Variants in OTUD7A observed in about 807,000 individuals in gnomAD.
The protein encoded by OTUD7A is OTU domain-containing protein 7A.
In OTUD7A, 12 loss-of-function variants were observed where a neutral mutation model predicts 65.7. The ratio of observed to expected loss-of-function variants is 0.18; its 90% CI spans 0.12 to 0.30. OTUD7A has a LOEUF of 0.30. OTUD7A is among the 10% of genes least tolerant of loss of function. OTUD7A has a pLI of 1.00. For missense variants in OTUD7A, 1,148 were observed against 1,304.8 expected (o/e 0.88, Z 1.85); for synonymous variants, 641 against 586.3 (o/e 1.09, Z -1.35).
intron 3 of OTUD7A, among the ~76,000 whole-genome samples, chr15:31,584,803 G>A (rs192333431): frequency 6.7e-4 from 102 of 152,292 alleles, no homozygotes; most frequent in African/African-American, 2.3e-3. Flanking sequence ...GAGTCTGCAA[G>A]GTGCAGTGTT....
At chr15:31,716,421 T>C (rs1893587025) in intron 1 of OTUD7A, among the ~76,000 whole-genome samples, 1 of 109,516 alleles carries the variant, frequency 9.1e-6, no homozygotes, top group Non-Finnish European at 2.0e-5. Context: ...AAGGAGATCA[T>C]CTTGTTGAGA....
intron 1 of OTUD7A, among the ~76,000 whole-genome samples, chr15:31,693,956 G>A (rs1180386614): frequency 1.3e-5 from 2 of 152,186 alleles, no homozygotes; most frequent in Non-Finnish European, 2.9e-5. Context: ...CCAGGGACCC[G>A]AAGGATTCAC....
chr15:31,543,899 A>G (rs1888056205), intron 5 of OTUD7A, among the ~76,000 whole-genome samples: 1 of 151,850 alleles, frequency 6.6e-6, no homozygotes, highest in South Asian at 2.1e-4. Flanking sequence ...AAATGACCAA[A>G]TGGACAAATA....
At chr15:31,769,793 C>T (rs1334574656) in intron 1 of OTUD7A, among the ~76,000 whole-genome samples, 1 of 152,176 alleles carries the variant, frequency 6.6e-6, no homozygotes, top group East Asian at 1.9e-4. Flanking sequence ...TTAGTGGTTG[C>T]CAGGGGTTAG....
At chr15:31,819,797 T>C (rs1042014634) in intron 1 of OTUD7A, among the ~76,000 whole-genome samples, 17 of 151,950 alleles carry the variant, frequency 1.1e-4, no homozygotes, top group African/African-American at 4.1e-4. Context: ...TTATATATTA[T>C]GTCATATATA....
At chr15:31,735,925 C>T (rs1894177781) in intron 1 of OTUD7A, among the ~76,000 whole-genome samples, 1 of 152,148 alleles carries the variant, frequency 6.6e-6, no homozygotes, top group African/African-American at 2.4e-5. Flanking sequence ...ATGGATGGAG[C>T]TGGAGGCCAT....
chr15:31,503,466 T>G (rs3812925), intron 9 of OTUD7A, among the ~76,000 whole-genome samples: 1 of 151,940 alleles, frequency 6.6e-6, no homozygotes, highest in Non-Finnish European at 1.5e-5. Context: ...GGTCCTCACA[T>G]GACCAGATTT....
At chr15:31,816,678 A>G (rs1402324830) in intron 1 of OTUD7A, among the ~76,000 whole-genome samples, 1 of 151,326 alleles carries the variant, frequency 6.6e-6, no homozygotes, top group Non-Finnish European at 1.5e-5. Context: ...ACAGAGCGAG[A>G]CTCCGTCTCA....
Position 31,732,567 on chromosome 15 carries a change from G to C in OTUD7A, c.-99-75490C>G, listed in dbSNP as rs113014166. 3.2e-4 allele frequency among the ~76,000 whole-genome samples: 49 copies of C among 152,360 alleles called. 1 individual carries two copies. The highest frequency in any genetic ancestry group is 6.8e-3 in the Middle Eastern group (2 of 294). ...AACTAAAAAGTTGGTTCTTGGAGAAGTCTACTCTAGTCACTTGGAAACGCC... is the reference window on the plus strand; with the variant it reads ...AACTAAAAAGTTGGTTCTTGGAGAACTCTACTCTAGTCACTTGGAAACGCC... On this transcript the variant is annotated intron_variant, in intron 1 of 12. Transcript: ENST00000307050.
chr15:31,508,685 A>G (rs1001375356), intron 8 of OTUD7A, among the ~76,000 whole-genome samples: 1 of 152,256 alleles, frequency 6.6e-6, no homozygotes, highest in Non-Finnish European at 1.5e-5. Context: ...CTGATGTACT[A>G]GAAATTTTAG....
chr15:31,766,240 G>T, intron 1 of OTUD7A: 2 of 1,550,636 alleles, frequency 1.3e-6, no homozygotes, highest in Middle Eastern at 2.2e-4. Context: ...GAAACGGTAT[G>T]TATCAACAGT....
intron 1 of OTUD7A, among the ~76,000 whole-genome samples, chr15:31,859,422 C>A (rs1473492724): frequency 6.6e-6 from 1 of 152,210 alleles, no homozygotes; most frequent in African/African-American, 2.4e-5. Context: ...CAACAGATCT[C>A]ATGAACATAA....
chr15:31,691,433 C>T (rs1311413776), intron 1 of OTUD7A, among the ~76,000 whole-genome samples: 2 of 152,346 alleles, frequency 1.3e-5, no homozygotes, highest in East Asian at 3.9e-4. Context: ...AATAAATCCA[C>T]ACACTTAACA....
intron 1 of OTUD7A, among the ~76,000 whole-genome samples, chr15:31,869,429 C>CAA (rs1897965481): frequency 6.6e-6 from 1 of 152,142 alleles, no homozygotes; most frequent in Admixed American, 6.5e-5. Context: ...AGATTTAGGC[C>CAA]CCGCTGTCAA....
intron 1 of OTUD7A, among the ~76,000 whole-genome samples, chr15:31,843,797 C>T (rs1323599383): frequency 6.6e-6 from 1 of 152,192 alleles, no homozygotes; most frequent in Non-Finnish European, 1.5e-5. Context: ...ATGTCTGTTC[C>T]CTGTGGGCAG....
At chr15:31,641,501 G>A (rs939851397) in intron 3 of OTUD7A, among the ~76,000 whole-genome samples, 1 of 152,140 alleles carries the variant, frequency 6.6e-6, no homozygotes, top group African/African-American at 2.4e-5. Flanking sequence ...TTGTTATTGA[G>A]ATTATACTGA....
intron 1 of OTUD7A, among the ~76,000 whole-genome samples, chr15:31,855,510 C>T (rs1434669864): frequency 6.6e-6 from 1 of 150,796 alleles, no homozygotes; most frequent in Non-Finnish European, 1.5e-5. Flanking sequence ...AAAAACAAAT[C>T]GAAAAAAAAA....
chr15:31,501,979 G>C, intron 9 of OTUD7A, 140 bp from the exon 10 acceptor site: 1 of 957,458 alleles, frequency 1.0e-6, no homozygotes, highest in Middle Eastern at 3.4e-4. Context: ...TGGAGGCGGT[G>C]CTGAGGGATG....
intron 1 of OTUD7A, among the ~76,000 whole-genome samples, chr15:31,667,494 CCTTTA>C (rs1401955643): frequency 1.3e-5 from 2 of 152,078 alleles, no homozygotes; most frequent in Non-Finnish European, 1.5e-5. Flanking sequence ...TTTTTCCACC[CCTTTA>C]CTTTAAGTTT....
Sources: gnomAD v4.1 joint callset for allele counts (sites outside exome capture counted in the v4.1 genomes callset) on GRCh38, gnomAD v4.1.1 for gene constraint, MANE v1.5 for transcripts, NCBI Gene and HGNC (gene_info 2026-07-23, HGNC 2026-07-21) for gene names.